GAS7: variants seen among roughly 807,000 people sequenced by gnomAD.
The protein encoded by GAS7 is growth arrest-specific protein 7.
In GAS7, 28 loss-of-function variants were observed where a neutral mutation model predicts 71.1. That is an observed-to-expected ratio of 0.39 (90% CI 0.29 to 0.54). The LOEUF (loss-of-function observed/expected upper bound fraction) is 0.54, where lower values mean the gene tolerates loss of function less well. GAS7 is among the 20% of genes least tolerant of loss of function. The pLI, the probability that GAS7 is intolerant of heterozygous loss-of-function variation, is 0.62. For missense variants in GAS7, 436 were observed against 627.8 expected (o/e 0.69, Z 3.27); for synonymous variants, 258 against 245.8 (o/e 1.05, Z -0.46).
At chr17:10,190,579 CAAA>C (rs763366804) in intron 1 of GAS7, among the ~76,000 whole-genome samples, 3 of 103,380 alleles carry the variant, frequency 2.9e-5, no homozygotes. Flanking sequence ...GACTCCGTCT[CAAA>C]AAAAAAAAAA....
intron 1 of GAS7, among the ~76,000 whole-genome samples, chr17:10,163,823 C>T (rs2074273450): frequency 6.6e-6 from 1 of 152,064 alleles, no homozygotes; most frequent in Non-Finnish European, 1.5e-5. Flanking sequence ...ATCTGGGTGC[C>T]CTTAGGTCAG....
intron 1 of GAS7, among the ~76,000 whole-genome samples, chr17:10,066,371 G>T (rs1035931828): frequency 2.0e-5 from 3 of 152,184 alleles, no homozygotes; most frequent in African/African-American, 7.2e-5. Flanking sequence ...GGAGAGATGG[G>T]GTTTCTCCAT....
At chr17:10,081,895 T>A (rs1277837889) in intron 1 of GAS7, among the ~76,000 whole-genome samples, 4 of 152,182 alleles carry the variant, frequency 2.6e-5, no homozygotes, top group Non-Finnish European at 5.9e-5. Flanking sequence ...ACCCAGATAT[T>A]TTCCTTCTAG....
chr17:9,969,847 A>AC lies in GAS7; in HGVS notation c.386-86dup, dbSNP rs888043610. ...TTCGTCCACTGCAGCCCCTTTTCCC[A>AC]CCTCCTTCCTTGGCTCTGAGAGGTC... On this transcript the variant is annotated intron_variant, in intron 3 of 13. Coordinates refer to ENST00000432992, the MANE Select transcript of GAS7 (RefSeq NM_201433.2). The surrounding 1 kb of genome is among the most constrained non-coding windows in gnomAD (Gnocchi z 5.5). 1 of 841,072 alleles carries AC rather than the reference A, an allele frequency of 1.2e-6. No individual in the cohort carries two copies. The highest frequency in any genetic ancestry group is 2.0e-6 in the Non-Finnish European group (1 of 489,136). The allele number at this position is 841,072 out of a possible 1,614,324, so 52.1% of individuals were successfully genotyped here.
At chr17:9,996,530 C>T (rs2071050163) in intron 2 of GAS7, among the ~76,000 whole-genome samples, 1 of 147,930 alleles carries the variant, frequency 6.8e-6, no homozygotes, top group African/African-American at 2.5e-5. Context: ...ATGTAACTAA[C>T]CTGTGCACAT....
intron 1 of GAS7, among the ~76,000 whole-genome samples, chr17:10,182,253 G>A (rs1175464622): frequency 1.3e-5 from 2 of 152,066 alleles, no homozygotes; most frequent in Non-Finnish European, 2.9e-5. Context: ...TCCACCTCCT[G>A]GGTTCAAGCG....
Position 9,916,581 on chromosome 17 carries a change from T to C in GAS7, c.*647A>G, listed in dbSNP as rs1597433600. Reference sequence around the variant, plus strand: ...TTCAGCGCTCAATTTGGGGCTAATTTGCCGAATGAGGTAGTTCCATCCTGA... The same window carrying C: ...TTCAGCGCTCAATTTGGGGCTAATTCGCCGAATGAGGTAGTTCCATCCTGA... On this transcript the variant is annotated 3_prime_UTR_variant, in exon 14 of 14. Coordinates refer to ENST00000432992, the MANE Select transcript of GAS7 (RefSeq NM_201433.2). 3.9e-6 allele frequency: 1 copy of C among 253,414 alleles called. No individual in the cohort carries two copies. Among genetic ancestry groups the C allele is most frequent in the South Asian group, 1.8e-4 (1 of 5,704 alleles). 15.7% of individuals were successfully genotyped at this position (253,414 alleles called of 1,614,324 possible). A position where few individuals can be genotyped will look rare whatever the true frequency, so the allele number is the denominator to read the frequency against.
chr17:10,052,543 C>T (rs1207897620), intron 1 of GAS7, among the ~76,000 whole-genome samples: 10 of 152,210 alleles, frequency 6.6e-5, no homozygotes, highest in East Asian at 1.9e-4. Context: ...CCACACACTG[C>T]GTAGCTGTGA....
chr17:9,917,203 A>C lies in GAS7; in HGVS notation c.*25T>G. On this transcript the variant is annotated 3_prime_UTR_variant, in exon 14 of 14. Coordinates refer to ENST00000432992, the MANE Select transcript of GAS7 (RefSeq NM_201433.2). ...GAGCCCAGCCCCCCTCCCCAGCAGG[A>C]CCCCCCGAAGCTGCACAGGCCCATC... The C allele has an allele frequency of 2.1e-3, 1,916 of 907,538 alleles. No homozygotes were observed. The highest frequency in any genetic ancestry group is 3.2e-3 in the Non-Finnish European group (1,745 of 538,228). The allele number at this position is 907,538 out of a possible 1,614,324, so 56.2% of individuals were successfully genotyped here. A position where few individuals can be genotyped will look rare whatever the true frequency, so the allele number is the denominator to read the frequency against.
At chr17:10,097,227 C>T (rs1391501810) in intron 1 of GAS7, among the ~76,000 whole-genome samples, 1 of 152,218 alleles carries the variant, frequency 6.6e-6, no homozygotes, top group African/African-American at 2.4e-5. Flanking sequence ...CCTGCTTAAA[C>T]TCGGCTCTTC....
At chr17:10,156,942 T>C (rs894914660) in intron 1 of GAS7, among the ~76,000 whole-genome samples, 35 of 152,298 alleles carry the variant, frequency 2.3e-4, no homozygotes, top group Admixed American at 1.6e-3. Flanking sequence ...ACACAGCCAC[T>C]GAGGACAAGC....
chr17:10,065,960 T>C (rs939628761), intron 1 of GAS7, among the ~76,000 whole-genome samples: 2 of 152,078 alleles, frequency 1.3e-5, no homozygotes, highest in African/African-American at 4.8e-5. Context: ...TTCAGCAGGA[T>C]TGGGAGCCCC....
intron 8 of GAS7, among the ~76,000 whole-genome samples, chr17:9,935,026 G>A (rs536949895): frequency 2.2e-4 from 34 of 152,296 alleles, no homozygotes; most frequent in African/African-American, 7.7e-4. Context: ...GGGATTACAG[G>A]CATAAGCCAC....
chr17:10,034,153 G>A lies in GAS7; in HGVS notation c.184-14256C>T, dbSNP rs577579166. On this transcript the variant is annotated intron_variant, in intron 1 of 13. Coordinates refer to ENST00000432992, the MANE Select transcript of GAS7 (RefSeq NM_201433.2). The surrounding 1 kb of genome is among the most constrained non-coding windows in gnomAD (Gnocchi z 4.4). ...GTGCGAAGAACACAGGATGGGAATC[G>A]GAGCTGGTAAAGCTGCAGCAGTCTC... 59 of 985,180 alleles carry A rather than the reference G, an allele frequency of 6.0e-5. No homozygotes were observed. The African/African-American group carries it at 8.2e-4, about 14-fold the overall frequency. 61.0% of individuals were successfully genotyped at this position (985,180 alleles called of 1,614,324 possible). A position where few individuals can be genotyped will look rare whatever the true frequency, so the allele number is the denominator to read the frequency against.
At chr17:10,119,802 G>A (rs558180005) in intron 1 of GAS7, among the ~76,000 whole-genome samples, 1 of 152,204 alleles carries the variant, frequency 6.6e-6, no homozygotes, top group Non-Finnish European at 1.5e-5. Flanking sequence ...CAACGAGTGG[G>A]TCCTTCAGGC....
intron 6 of GAS7, among the ~76,000 whole-genome samples, chr17:9,944,273 C>T (rs902956293): frequency 6.6e-6 from 1 of 152,212 alleles, no homozygotes; most frequent in African/African-American, 2.4e-5. Context: ...CTCCTTACAG[C>T]TTTTCCCTAT....
chr17:10,198,156 C>A (rs967550226), intron 1 of GAS7, 52 bp downstream of exon 1: 6 of 1,536,520 alleles, frequency 3.9e-6, no homozygotes, highest in Non-Finnish European at 5.3e-6. Flanking sequence ...GGTACGCGAG[C>A]GCACCGAGGA....
intron 2 of GAS7, among the ~76,000 whole-genome samples, chr17:10,005,679 G>A (rs1347692910): frequency 6.6e-6 from 1 of 152,136 alleles, no homozygotes; most frequent in Admixed American, 6.5e-5. Flanking sequence ...TTTAAGCACT[G>A]TGTTCACAGA....
intron 1 of GAS7, among the ~76,000 whole-genome samples, chr17:10,097,810 G>C (rs569949773): frequency 6.6e-6 from 1 of 152,086 alleles, no homozygotes; most frequent in East Asian, 1.9e-4. Context: ...TTGGGAGGCC[G>C]AGGCGGGCAG....
Sources: allele counts gnomAD v4.1 joint callset (sites outside exome capture counted in the v4.1 genomes callset), GRCh38; gene constraint gnomAD v4.1.1; non-coding constraint Gnocchi (gnomAD v3.1); transcripts MANE v1.5; gene names NCBI Gene and HGNC (gene_info 2026-07-23, HGNC 2026-07-21).